Variants in POLDIP3 observed in about 807,000 individuals in gnomAD.
POLDIP3 encodes DNA polymerase delta interacting protein 3.
In POLDIP3, 14 loss-of-function variants were observed where a neutral mutation model predicts 45.1. The observed-to-expected ratio is 0.31, with a 90% CI of 0.20 to 0.49. The LOEUF is 0.49. Among genes scored for constraint, POLDIP3 ranks in the 20% least tolerant of loss-of-function variants. The probability of loss-of-function intolerance (pLI) is 0.99; values close to 1 mark genes in which losing one functional copy is unlikely to be tolerated. For synonymous variants in POLDIP3, 223 were observed against 205.2 expected (o/e 1.09, Z -0.74); for missense variants, 511 against 538.8 (o/e 0.95, Z 0.51).
Position 42,596,341 on chromosome 22 carries a change from A to T in POLDIP3, c.658T>A (p.Ser220Thr), listed in dbSNP as rs530959339. Residue 220 changes from serine (S) to threonine (T), a missense_variant, in exon 5 of 9, where the codon TCC (serine) becomes ACC (threonine). Physicochemically the swap from Ser to Thr is moderately conservative, Grantham distance 58. Around this residue, in one of 4 missense-constraint regions of POLDIP3, gnomAD observed 378 missense variants for 352.3 expected, o/e 1.07. Transcript: ENST00000252115. The stretch of plus-strand genomic sequence containing the variant: ...GTGAGAGGGAGGGCCTTGGACATGG[A>T]AAGCTTGGAACTGCTTAGCCCAGCC... ...HMAGLSSSKL[S>T]MSKALPLTKV... 3.7e-6 allele frequency: 6 copies of T among 1,614,172 alleles called. No individual in the cohort carries two copies. The Admixed American group carries it at 1.0e-4, about 27-fold the overall frequency.
intron 1 of POLDIP3, among the ~76,000 whole-genome samples, chr22:42,603,915 T>C (rs1002871823): frequency 1.3e-5 from 2 of 152,192 alleles, no homozygotes; most frequent in East Asian, 3.8e-4. Flanking sequence ...AACATGTACA[T>C]GTACCCCCTG....
intron 1 of POLDIP3, among the ~76,000 whole-genome samples, chr22:42,604,386 T>C (rs1402604466): frequency 6.6e-6 from 1 of 152,190 alleles, no homozygotes; most frequent in East Asian, 1.9e-4. Context: ...GTGGAGCTTC[T>C]TAAATACAGA....
At chr22:42,608,756 A>G (rs943910089) in intron 1 of POLDIP3, among the ~76,000 whole-genome samples, 3 of 152,006 alleles carry the variant, frequency 2.0e-5, no homozygotes, top group African/African-American at 4.8e-5. Context: ...ATTTTTATCT[A>G]TTTGAACAGC....
intron 1 of POLDIP3, among the ~76,000 whole-genome samples, chr22:42,611,640 T>G (rs1185404287): frequency 6.6e-6 from 1 of 152,196 alleles, no homozygotes; most frequent in African/African-American, 2.4e-5. Flanking sequence ...TTTGGGAGGC[T>G]GAGACGGGTG....
rs1377168024 is a variant in POLDIP3 at position 42,599,797 on chromosome 22, A to C, written c.538-4T>G. The stretch of plus-strand genomic sequence containing the variant: ...CTTCATCCAGGTCATATAAATTCTG[A>C]GAATATAACATAAAGAAATATAAGC... On this transcript the variant is annotated splice_region_variant and splice_polypyrimidine_tract_variant and intron_variant, in intron 3 of 8. Coordinates refer to ENST00000252115, the MANE Select transcript of POLDIP3 (RefSeq NM_032311.5). 1 of 1,585,810 alleles carries C rather than the reference A, an allele frequency of 6.3e-7. No homozygotes were observed. Among genetic ancestry groups the C allele is most frequent in the Non-Finnish European group, 8.7e-7 (1 of 1,155,706 alleles).
chr22:42,597,697 T>G (rs779712107), intron 4 of POLDIP3: 1 of 470,498 alleles, frequency 2.1e-6, no homozygotes, highest in Non-Finnish European at 4.4e-6. Context: ...GTTCCCTTGA[T>G]AGCAGACTTG....
intron 1 of POLDIP3, among the ~76,000 whole-genome samples, chr22:42,611,689 A>C (rs1927128294): frequency 6.6e-6 from 1 of 152,200 alleles, no homozygotes; most frequent in Non-Finnish European, 1.5e-5. Flanking sequence ...AGCCTGACCA[A>C]CATGGTGAAA....
chr22:42,592,787 C>A (rs1340495053), intron 6 of POLDIP3, among the ~76,000 whole-genome samples: 1 of 152,220 alleles, frequency 6.6e-6, no homozygotes, highest in Admixed American at 6.5e-5. Flanking sequence ...TGAGTCCGAT[C>A]TCCACCTCAT....
In POLDIP3 at chr22:42,596,295, G is replaced by T. The variant is rs746832668; in HGVS notation, c.704C>A (p.Ala235Glu). 6.2e-7 allele frequency: 1 copy of T among 1,614,026 alleles called. No homozygotes were observed. Among genetic ancestry groups the T allele is most frequent in the East Asian group, 2.2e-5 (1 of 44,878 alleles). ...LPLTKVVQND[A>E]YTAPALPSSI... is the part of the protein sequence containing the mutation. ...GGAAGGGAGAGCAGGAGCTGTGTAT[G>T]CATCATTCTGAACCACTTTGGTGAG... is the stretch of plus-strand genomic sequence containing the variant. The change falls in exon 5 of 9, where the codon GCA becomes GAA. Residue 235 changes from alanine to glutamate, a missense_variant. Ala to Glu is a moderately radical substitution (Grantham distance 107). Transcript: ENST00000252115.
intron 4 of POLDIP3, 32 bp downstream of exon 4, chr22:42,599,666 C>T: frequency 4.7e-6 from 7 of 1,483,884 alleles, no homozygotes; most frequent in Non-Finnish European, 5.6e-6. Flanking sequence ...CCTGATCAGA[C>T]ACGCAGTGTA....
intron 3 of POLDIP3, 32 bp downstream of exon 3, chr22:42,601,938 T>TTCTC (rs113251689): frequency 5.7e-6 from 9 of 1,566,406 alleles, no homozygotes; most frequent in Middle Eastern, 1.7e-4. Context: ...TACACACAGA[T>TTCTC]TCTCTCTCTC....
At chr22:42,611,243 G>A (rs1463324762) in intron 1 of POLDIP3, among the ~76,000 whole-genome samples, 1 of 152,174 alleles carries the variant, frequency 6.6e-6, no homozygotes, top group Non-Finnish European at 1.5e-5. Context: ...GCTCACTGCA[G>A]CCTTGAACTC....
At chr22:42,603,296 A>T (rs1601901381) in intron 1 of POLDIP3, 136 bp from the exon 2 acceptor site, 1 of 851,640 alleles carries the variant, frequency 1.2e-6, no homozygotes, top group East Asian at 2.6e-5. Flanking sequence ...GTGATTGAAT[A>T]AACGATTATG....
rs1433527926 is a variant in POLDIP3 at position 42,592,104 on chromosome 22, T to G, written c.892-20A>C. The G allele has an allele frequency of 1.9e-6, 3 of 1,613,026 alleles. No homozygotes were observed. The highest frequency in any genetic ancestry group is 2.5e-6 in the Non-Finnish European group (3 of 1,179,572). ...AAGCTCCTGCACACAACAAGAGGGG[T>G]TGGGATTGGGGAAGGATTTCTCAGC... is the stretch of plus-strand genomic sequence containing the variant. On this transcript the variant is annotated intron_variant, in intron 6 of 8. Transcript: ENST00000252115.
intron 7 of POLDIP3, among the ~76,000 whole-genome samples, chr22:42,588,205 C>G (rs1056495397): frequency 6.6e-6 from 1 of 152,134 alleles, no homozygotes; most frequent in Admixed American, 6.5e-5. Flanking sequence ...CCTGTAATCC[C>G]AGCACTTTGA....
chr22:42,611,586 T>C (rs60530807), intron 1 of POLDIP3, among the ~76,000 whole-genome samples: 16,515 of 152,260 alleles, frequency 0.11, 1,850 homozygotes, highest in East Asian at 0.69. Flanking sequence ...CAGATTCTTC[T>C]AGGCAGTATG....
At chr22:42,608,249 C>T (rs1926891248) in intron 1 of POLDIP3, among the ~76,000 whole-genome samples, 1 of 129,628 alleles carries the variant, frequency 7.7e-6, no homozygotes. Flanking sequence ...TAATCTATAA[C>T]CTTACCCCCC....
intron 1 of POLDIP3, among the ~76,000 whole-genome samples, chr22:42,607,258 C>T (rs1383173552): frequency 2.0e-5 from 3 of 152,230 alleles, no homozygotes; most frequent in Admixed American, 6.5e-5. Flanking sequence ...ATTGCAGGCG[C>T]GCACCGCCAT....
chr22:42,610,539 G>A (rs1758726841), intron 1 of POLDIP3, among the ~76,000 whole-genome samples: 1 of 152,190 alleles, frequency 6.6e-6, no homozygotes, highest in African/African-American at 2.4e-5. Flanking sequence ...GCTATCCGCT[G>A]AGGGTTAAAC....
Sources: allele counts gnomAD v4.1 joint callset (sites outside exome capture counted in the v4.1 genomes callset), GRCh38; gene constraint gnomAD v4.1.1; regional missense constraint gnomAD v4.1.1; transcripts MANE v1.5; gene names NCBI Gene and HGNC (gene_info 2026-07-23, HGNC 2026-07-21).